The following ABCG1 variants were observed in gnomAD, a reference collection of about 807,000 sequenced individuals.
ABCG1 encodes the protein ATP binding cassette subfamily G member 1.
A neutral mutation model predicts 69.2 loss-of-function variants in ABCG1; 29 were observed. The ratio of observed to expected loss-of-function variants is 0.42; its 90% CI spans 0.31 to 0.57. The LOEUF (loss-of-function observed/expected upper bound fraction) is 0.57. Ranked by LOEUF, ABCG1 falls within the 20% of genes least tolerant of loss-of-function variation. The probability of loss-of-function intolerance (pLI) is 0.15; values close to 1 mark genes in which losing one functional copy is unlikely to be tolerated. For synonymous variants in ABCG1, 370 were observed against 374.8 expected (o/e 0.99, Z 0.15); for missense variants, 718 against 898.1 (o/e 0.80, Z 2.56).
intron 5 of ABCG1, among the ~76,000 whole-genome samples, chr21:42,281,816 A>G (rs2068814309): frequency 6.6e-6 from 1 of 152,166 alleles, no homozygotes; most frequent in South Asian, 2.1e-4. Flanking sequence ...TCAAGTAACC[A>G]TCACAGCGAC....
chr21:42,293,358 T>TAC (rs1213480719), intron 13 of ABCG1, among the ~76,000 whole-genome samples: 2 of 75,948 alleles, frequency 2.6e-5, no homozygotes, highest in African/African-American at 5.4e-5. Flanking sequence ...CACCACACAC[T>TAC]ACACACACAC....
At chr21:42,201,653 C>T (rs775838702) in exon 2 of ABCG1, 1 of 1,604,900 alleles carries the variant, frequency 6.2e-7, no homozygotes, top group Admixed American at 1.7e-5. Flanking sequence ...GGATCACCGA[C>T]TCTGTGCCAG....
At chr21:42,228,560 C>T (rs1234567121) in intron 2 of ABCG1, among the ~76,000 whole-genome samples, 4 of 152,202 alleles carry the variant, frequency 2.6e-5, no homozygotes, top group Admixed American at 6.5e-5. Flanking sequence ...AAGGGACTTG[C>T]CCATGCTCCT....
intron 2 of ABCG1, among the ~76,000 whole-genome samples, chr21:42,227,069 A>T (rs371358376): frequency 1.4e-4 from 21 of 152,250 alleles, no homozygotes; most frequent in African/African-American, 5.1e-4. Context: ...TTGTAATCAC[A>T]ATTTTAGAGC....
chr21:42,211,761 C>T (rs570803736), upstream of ABCG1, among the ~76,000 whole-genome samples: 36 of 151,546 alleles, frequency 2.4e-4, no homozygotes, highest in Admixed American at 1.1e-3. Context: ...CGGTGGCATG[C>T]GCTGGTAATT....
At chr21:42,220,574 A>G (rs1000213950) in intron 1 of ABCG1, among the ~76,000 whole-genome samples, 2 of 152,282 alleles carry the variant, frequency 1.3e-5, no homozygotes, top group African/African-American at 4.8e-5. Context: ...AGACATGGCC[A>G]GGCGGTGGGT....
In ABCG1 at chr21:42,278,713, A is replaced by G. The variant is rs148999541; in HGVS notation, c.588+1768A>G. 5.4e-3 allele frequency among the ~76,000 whole-genome samples: 820 copies of G among 152,312 alleles called. 11 individuals are homozygous for G. Among genetic ancestry groups the G allele is most frequent in the Non-Finnish European group, 6.8e-3 (462 of 68,022 alleles). ...GTGGGGGACTTCGTTACAGCAGTGA[A>G]CGTAACAAACGAGAGCCTTAGTTCC... On this transcript the variant is annotated intron_variant, in intron 5 of 14. Coordinates refer to ENST00000398449, the MANE Select transcript of ABCG1 (RefSeq NM_016818.3).
chr21:42,247,682 G>T (rs73225432), intron 2 of ABCG1, among the ~76,000 whole-genome samples: 12 of 152,338 alleles, frequency 7.9e-5, no homozygotes, highest in Non-Finnish European at 1.2e-4. Context: ...TTTGCAGACA[G>T]ATGTGATTAA....
rs919514504 is a variant in ABCG1, at chr21:42,296,343, G to A, written c.1952G>A (p.Arg651His). 5.0e-6 allele frequency: 8 copies of A among 1,614,088 alleles called. No individual in the cohort carries two copies. The highest frequency in any genetic ancestry group is 1.7e-5 in the Admixed American group (1 of 60,024). The change falls in exon 15 of 15, where the codon CGC becomes CAC. Residue 651 changes from arginine (R) to histidine (H), a missense_variant. Physicochemically the swap from Arg to His is conservative, Grantham distance 29 (BLOSUM62 0). Transcript: ENST00000398449. This position sits in a 1 kb window ranked among gnomAD's most constrained non-coding sequence, Gnocchi z 5.4. Reference sequence around the variant, plus strand: ...CTCGGGATTTTCTTCATCTCCCTCCGCCTCATTGCCTATTTTGTCCTCAGG... The same window carrying A: ...CTCGGGATTTTCTTCATCTCCCTCCACCTCATTGCCTATTTTGTCCTCAGG... Reference protein sequence around the residue: ...IVLGIFFISLRLIAYFVLRYK... With the variant: ...IVLGIFFISLHLIAYFVLRYK...
At chr21:42,221,514 GC>G (rs1310676405) in intron 1 of ABCG1, among the ~76,000 whole-genome samples, 2 of 152,122 alleles carry the variant, frequency 1.3e-5, no homozygotes, top group African/African-American at 2.4e-5. Flanking sequence ...ACAAGGGGTG[GC>G]AAATGCGTCC....
At chr21:42,208,566 T>A (rs1344263780) in intron 2 of ABCG1, among the ~76,000 whole-genome samples, 2 of 152,210 alleles carry the variant, frequency 1.3e-5, no homozygotes, top group Non-Finnish European at 2.9e-5. Context: ...TTTGCCGTCT[T>A]CACCCAATAA....
intron 5 of ABCG1, among the ~76,000 whole-genome samples, chr21:42,280,543 T>A (rs1170382227): frequency 6.6e-6 from 1 of 152,204 alleles, no homozygotes; most frequent in Admixed American, 6.5e-5. Flanking sequence ...GGAAAATGTA[T>A]AAATAACTGA....
At chr21:42,219,128 C>G (rs528823093), upstream of ABCG1, 5 of 835,244 alleles carry the variant, frequency 6.0e-6, no homozygotes, top group African/African-American at 3.6e-5. This position sits in a 1 kb window ranked among gnomAD's most constrained non-coding sequence, Gnocchi z 5.3. Flanking sequence ...GAGCCGGAGC[C>G]GGATCCCAGC....
chr21:42,296,810 CAG>C lies in ABCG1; in HGVS notation c.*423_*424del. 4.7e-6 allele frequency: 1 copy of C among 211,078 alleles called. No homozygotes were observed. The highest frequency in any genetic ancestry group is 9.7e-6 in the Non-Finnish European group (1 of 102,798). 13.1% of individuals were successfully genotyped at this position (211,078 alleles called of 1,614,324 possible). A position where few individuals can be genotyped will look rare whatever the true frequency, so the allele number is the denominator to read the frequency against. Reference sequence around the variant, plus strand: ...GGCTGCACAGTCAGATGTCTGGTGGCAGAGAGTCCGAGCATGGAGCGATTCCA... The same window carrying C: ...GGCTGCACAGTCAGATGTCTGGTGGCAGAGTCCGAGCATGGAGCGATTCCA... On this transcript the variant is annotated 3_prime_UTR_variant, in exon 15 of 15. Transcript: ENST00000398449. The surrounding 1 kb of genome is among the most constrained non-coding windows in gnomAD (Gnocchi z 5.4).
chr21:42,294,684 G>A (rs1394650937), intron 14 of ABCG1, 24 bp downstream of exon 14: 1 of 1,602,012 alleles, frequency 6.2e-7, no homozygotes, highest in African/African-American at 1.3e-5. Flanking sequence ...GGCACGCATG[G>A]CGTGGGGACC....
upstream of ABCG1, among the ~76,000 whole-genome samples, chr21:42,214,826 T>G (rs1210572566): frequency 1.3e-5 from 2 of 152,200 alleles, no homozygotes; most frequent in Admixed American, 6.5e-5. Flanking sequence ...GTTTCCAGAA[T>G]TTGGGGGAAA....
intron 2 of ABCG1, among the ~76,000 whole-genome samples, chr21:42,202,036 G>A (rs1361622365): frequency 1.3e-5 from 2 of 152,024 alleles, no homozygotes; most frequent in Non-Finnish European, 2.9e-5. Flanking sequence ...AGGGCGCAGT[G>A]TCCTGCTGAG....
At chr21:42,267,792 G>C (rs1255418061) in intron 2 of ABCG1, among the ~76,000 whole-genome samples, 1 of 146,934 alleles carries the variant, frequency 6.8e-6, no homozygotes, top group Non-Finnish European at 1.5e-5. Flanking sequence ...TCTGGGTCTG[G>C]TCTGGGTTCT....
chr21:42,289,654 C>T (rs193166714), intron 10 of ABCG1, among the ~76,000 whole-genome samples: 11 of 152,262 alleles, frequency 7.2e-5, no homozygotes, highest in South Asian at 2.1e-4. Context: ...AGGGGCTCAC[C>T]GCCGTCCACA....
Sources: allele counts gnomAD v4.1 joint callset (sites outside exome capture counted in the v4.1 genomes callset), GRCh38; gene constraint gnomAD v4.1.1; non-coding constraint Gnocchi (gnomAD v3.1); transcripts MANE v1.5; gene names NCBI Gene and HGNC (gene_info 2026-07-23, HGNC 2026-07-21).